CEP78: variants seen among roughly 807,000 people sequenced by gnomAD.
The protein encoded by CEP78 is centrosomal protein 78, also known as centrosomal protein of 78 kDa.
A neutral mutation model predicts 81.2 loss-of-function variants in CEP78; 76 were observed. That is an observed-to-expected ratio of 0.94 (90% CI 0.78 to 1.13). CEP78 has a LOEUF of 1.13. CEP78 is among the 50% of genes most tolerant of loss of function. The pLI, the probability that CEP78 is intolerant of heterozygous loss-of-function variation, is 0.00. For synonymous variants in CEP78, 293 were observed against 301.4 expected (o/e 0.97, Z 0.29); for missense variants, 918 against 846.8 (o/e 1.08, Z -1.04).
intron 16 of CEP78, among the ~76,000 whole-genome samples, chr9:78,269,249 G>C (rs1236115728): frequency 6.6e-6 from 1 of 152,188 alleles, no homozygotes; most frequent in Non-Finnish European, 1.5e-5. Context: ...AAAAGAGGCA[G>C]TGGGTGGACT....
chr9:78,250,222 G>C, intron 8 of CEP78: 1 of 398,036 alleles, frequency 2.5e-6, no homozygotes, highest in Non-Finnish European at 4.4e-6. Flanking sequence ...TTTATTTCTT[G>C]GGCTTTTTTT....
rs2118498617 is a variant in CEP78, at chr9:78,266,742, G to A, written c.2107+39G>A. The A allele has an allele frequency of 1.2e-6, 2 of 1,608,236 alleles. No individual in the cohort carries two copies. Among genetic ancestry groups the A allele is most frequent in the African/African-American group, 1.3e-5 (1 of 74,812 alleles). On this transcript the variant is annotated intron_variant, in intron 16 of 16. Transcript: ENST00000643273. Reference sequence around the variant, plus strand: ...AAAACACTCTGATAAGCAACACCCTGGAAAGGACCTGCATTCCTGATCTGA... The same window carrying A: ...AAAACACTCTGATAAGCAACACCCTAGAAAGGACCTGCATTCCTGATCTGA...
rs1450944597 is a variant in CEP78, at chr9:78,251,953, T to C, written c.1115T>C (p.Leu372Pro). The C allele has an allele frequency of 6.2e-7, 1 of 1,608,762 alleles. No homozygotes were observed. The highest frequency in any genetic ancestry group is 1.7e-5 in the Admixed American group (1 of 59,798). Residue 372 changes from leucine to proline, a missense_variant, in exon 9 of 17, where the codon CTT (leucine) becomes CCT (proline). Physicochemically the swap from Leu to Pro is moderately conservative, Grantham distance 98. Coordinates refer to ENST00000643273, the MANE Select transcript of CEP78 (RefSeq NM_001330691.3). Reference sequence around the variant, plus strand: ...GTAAGTAGTGGCAGAAAACACTCCCTTGGTAAAGAATATTATGCGCCCGCA... The same window carrying C: ...GTAAGTAGTGGCAGAAAACACTCCCCTGGTAAAGAATATTATGCGCCCGCA... Reference protein sequence around the residue: ...KPVSSGRKHSLGKEYYAPAPL... With the variant: ...KPVSSGRKHSPGKEYYAPAPL...
chr9:78,266,502 G>C lies in CEP78; in HGVS notation c.1906G>C (p.Val636Leu). 1 of 1,613,646 alleles carries C rather than the reference G, an allele frequency of 6.2e-7. No homozygotes were observed. Among genetic ancestry groups the C allele is most frequent in the Non-Finnish European group, 8.5e-7 (1 of 1,179,680 alleles). The change falls in exon 16 of 17, where the codon GTT (valine) becomes CTT (leucine). Residue 636 changes from valine (V) to leucine (L), a missense_variant. Val to Leu is a conservative substitution (Grantham distance 32). Coordinates refer to ENST00000643273, the MANE Select transcript of CEP78 (RefSeq NM_001330691.3). ...PLPLDSFPVPVSTPEGLGTSS... is the reference protein window; with the variant it reads ...PLPLDSFPVPLSTPEGLGTSS... ...GCCTCTCGACTCCTTTCCTGTCCCA[G>C]TTTCTACTCCAGAGGGCTTAGGAAC...
Position 78,271,737 on chromosome 9 carries a change from G to C in CEP78, c.*886G>C, listed in dbSNP as rs183160755. On this transcript the variant is annotated 3_prime_UTR_variant, in exon 17 of 17. Coordinates refer to ENST00000643273, the MANE Select transcript of CEP78 (RefSeq NM_001330691.3). ...TTTTTTGAGTCAAGGTCTCACTCATGTCACCCAGGCTGGGGTGTAGTGATG... is the reference window on the plus strand; with the variant it reads ...TTTTTTGAGTCAAGGTCTCACTCATCTCACCCAGGCTGGGGTGTAGTGATG... 2 of 151,064 alleles carry C rather than the reference G, an allele frequency of 1.3e-5. No homozygotes were observed. The highest frequency in any genetic ancestry group is 4.9e-5 in the African/African-American group (2 of 41,204). The allele number at this position is 151,064 out of a possible 1,614,324, so 9.4% of individuals were successfully genotyped here.
At chr9:78,246,647 A>G in intron 5 of CEP78, 22 bp from the exon 6 acceptor site, 1 of 1,431,148 alleles carries the variant, frequency 7.0e-7, no homozygotes, top group Non-Finnish European at 9.7e-7. Flanking sequence ...TTAGCAAGTG[A>G]CCCTTTGTCT....
At chr9:78,238,108 A>G (rs1418263185) in intron 1 of CEP78, among the ~76,000 whole-genome samples, 1 of 151,394 alleles carries the variant, frequency 6.6e-6, no homozygotes, top group Non-Finnish European at 1.5e-5. Flanking sequence ...CTGGGCAACA[A>G]GAGCAAAACT....
chr9:78,254,923 G>T lies in CEP78; in HGVS notation c.1339G>T (p.Glu447Ter), dbSNP rs1223234950. 6.2e-7 allele frequency: 1 copy of T among 1,611,758 alleles called. No homozygotes were observed. The highest frequency in any genetic ancestry group is 1.3e-5 in the African/African-American group (1 of 74,980). Residue 447 changes from glutamate (E) to a stop codon, truncating the protein, a stop_gained, in exon 11 of 17, where the codon GAA (glutamate) becomes TAA (stop). Coordinates refer to ENST00000643273, the MANE Select transcript of CEP78 (RefSeq NM_001330691.3). LOFTEE classifies it high-confidence loss of function. Reference sequence around the variant, plus strand: ...TGATGATTCTTCAGAGAGTGTTCATGAAGTGCCTGAGAAAACTAGTATAGA... The same window carrying T: ...TGATGATTCTTCAGAGAGTGTTCATTAAGTGCCTGAGAAAACTAGTATAGA... Reference protein sequence around the residue: ...EVDDSSESVHEVPEKTSIEQE... With the variant: ...EVDDSSESVH
intron 13 of CEP78, 93 bp downstream of exon 13, chr9:78,264,409 C>G (rs909240374): frequency 1.1e-6 from 1 of 944,372 alleles, no homozygotes; most frequent in African/African-American, 1.7e-5. Context: ...TTTCTGAAGT[C>G]ATATTTACTG....
chr9:78,237,680 T>C (rs2118069751), intron 1 of CEP78, among the ~76,000 whole-genome samples: 1 of 152,156 alleles, frequency 6.6e-6, no homozygotes, highest in South Asian at 2.1e-4. Context: ...ATCCTGAAGG[T>C]TTTGGGAAAC....
At chr9:78,257,201 T>A (rs1355518688) in intron 11 of CEP78, among the ~76,000 whole-genome samples, 1 of 151,268 alleles carries the variant, frequency 6.6e-6, no homozygotes, top group Admixed American at 6.6e-5. Flanking sequence ...AAGAAAGAAA[T>A]CCCAAGAGAA....
At chr9:78,238,124 T>A (rs866790368) in intron 1 of CEP78, among the ~76,000 whole-genome samples, 372 of 139,930 alleles carry the variant, frequency 2.7e-3, no homozygotes, top group African/African-American at 1.0e-2. Context: ...AAACTCTGTC[T>A]CAAAAAAAAA....
At chr9:78,236,969 C>CTTTTTTTTT (rs71360676) in intron 1 of CEP78, among the ~76,000 whole-genome samples, 1,162 of 62,104 alleles carry the variant, frequency 0.019, 256 homozygotes, top group Non-Finnish European at 0.021. Flanking sequence ...CAGCCTTTGT[C>CTTTTTTTTT]TTTTTTTTTT....
intron 6 of CEP78, 44 bp downstream of exon 6, chr9:78,246,826 G>T (rs778593372): frequency 6.0e-5 from 67 of 1,122,106 alleles, no homozygotes; most frequent in Non-Finnish European, 8.2e-5. Context: ...AATAGCAAAA[G>T]AAAAAGAATT....
At chr9:78,253,308 G>A (rs1277230511) in intron 10 of CEP78, 31 bp downstream of exon 10, 1 of 1,027,114 alleles carries the variant, frequency 9.7e-7, no homozygotes, top group Admixed American at 1.9e-5. Flanking sequence ...TAATATGTAG[G>A]GGATTGGAAT....
rs1278508771 is a variant in CEP78 at position 78,268,879 on chromosome 9, A to G, written c.2108-1962A>G. 4.6e-5 allele frequency among the ~76,000 whole-genome samples: 7 copies of G among 151,630 alleles called. No homozygotes were observed. In the East Asian group the frequency reaches 1.4e-3, roughly 29 times the overall value. ...CACCGTGTTAGCCAGGATGATCTTG[A>G]TCTCCTGACCTCGTGATCCACCCAC... On this transcript the variant is annotated intron_variant, in intron 16 of 16. Transcript: ENST00000643273.
chr9:78,279,233 T>G lies in CEP78; in HGVS notation c.*8382T>G, dbSNP rs1475368898. The G allele has an allele frequency of 6.6e-6, 1 of 152,180 alleles. No homozygotes were observed. Among genetic ancestry groups the G allele is most frequent in the Non-Finnish European group, 1.5e-5 (1 of 68,036 alleles). The allele number at this position is 152,180 out of a possible 1,614,324, so 9.4% of individuals were successfully genotyped here. A position where few individuals can be genotyped will look rare whatever the true frequency, so the allele number is the denominator to read the frequency against. On this transcript the variant is annotated 3_prime_UTR_variant, in exon 17 of 17. Coordinates refer to ENST00000643273, the MANE Select transcript of CEP78 (RefSeq NM_001330691.3). ...CCTTGAAATGTGAAGGCGGCTTTTA[T>G]CTCCTTAAGAAAACAAGAAAACTCC...
chr9:78,248,287 T>G lies in CEP78; in HGVS notation c.893-4T>G, dbSNP rs1348432444. Reference sequence around the variant, plus strand: ...CTATAATTTCAATTTTTATTTTACTTTAGATCATTCTATGATGAAAGCAGT... The same window carrying G: ...CTATAATTTCAATTTTTATTTTACTGTAGATCATTCTATGATGAAAGCAGT... On this transcript the variant is annotated splice_polypyrimidine_tract_variant and splice_region_variant and intron_variant, in intron 6 of 16. Transcript: ENST00000643273. 3 of 1,505,760 alleles carry G rather than the reference T, an allele frequency of 2.0e-6. No individual in the cohort carries two copies. In the Middle Eastern group the frequency reaches 5.3e-4, roughly 268 times the overall value. 93.3% of individuals were successfully genotyped at this position (1,505,760 alleles called of 1,614,324 possible).
At chr9:78,247,141 T>TA (rs1826529735) in intron 6 of CEP78, among the ~76,000 whole-genome samples, 1 of 152,242 alleles carries the variant, frequency 6.6e-6, no homozygotes, top group South Asian at 2.1e-4. Context: ...GCACTAAACA[T>TA]ACAGCAGTAA....
Sources: gnomAD v4.1 joint callset for allele counts (sites outside exome capture counted in the v4.1 genomes callset) on GRCh38, gnomAD v4.1.1 for gene constraint, MANE v1.5 for transcripts, NCBI Gene and HGNC (gene_info 2026-07-23, HGNC 2026-07-21) for gene names.